The following RBM46 variants were observed in gnomAD, a reference collection of about 807,000 sequenced individuals.
The protein encoded by RBM46 is RNA binding motif protein 46.
Under a neutral mutation model 43.3 loss-of-function variants are expected in RBM46, and 12 were observed. That is an observed-to-expected ratio of 0.28 (90% CI 0.18 to 0.45). The LOEUF is 0.45. RBM46 is among the 20% of genes least tolerant of loss of function. The pLI is 1.00. For missense variants in RBM46, 412 were observed against 639.1 expected, an observed-to-expected ratio of 0.64 and a Z score of 3.83; for synonymous variants, 205 against 207.6, an observed-to-expected ratio of 0.99 and a Z score of 0.11.
chr4:154,790,795 T>C (rs1475135686), intron 1 of RBM46, among the ~76,000 whole-genome samples: 1 of 152,180 alleles, frequency 6.6e-6, no homozygotes, highest in Non-Finnish European at 1.5e-5. Context: ...ATTTCATGGA[T>C]GGGACAAGTG....
intron 4 of RBM46, among the ~76,000 whole-genome samples, chr4:154,812,666 GTTAC>G (rs1207727836): frequency 6.6e-6 from 1 of 152,080 alleles, no homozygotes; most frequent in Non-Finnish European, 1.5e-5. Context: ...CTTTTTCATT[GTTAC>G]TTCCTTAGGA....
chr4:154,788,842 G>A (rs974561807), intron 1 of RBM46, among the ~76,000 whole-genome samples: 2 of 151,994 alleles, frequency 1.3e-5, no homozygotes, highest in African/African-American at 4.8e-5. Flanking sequence ...ATTTGTTTGT[G>A]TCCTCTTTTA....
At chr4:154,784,015 ACC>A in intron 1 of RBM46, among the ~76,000 whole-genome samples, 2 of 152,104 alleles carry the variant, frequency 1.3e-5, no homozygotes, top group Non-Finnish European at 2.9e-5. Flanking sequence ...TGACCTGGCA[ACC>A]ATTGACCTGG....
chr4:154,792,544 C>T (rs1240393789), intron 1 of RBM46, among the ~76,000 whole-genome samples: 1 of 152,138 alleles, frequency 6.6e-6, no homozygotes, highest in Non-Finnish European at 1.5e-5. Flanking sequence ...AAATGAAAGG[C>T]TAGACCCTTT....
At chr4:154,800,719 G>T (rs1416007096) in intron 4 of RBM46, among the ~76,000 whole-genome samples, 1 of 151,356 alleles carries the variant, frequency 6.6e-6, no homozygotes, top group African/African-American at 2.4e-5. Context: ...GGTTTCCTGA[G>T]AATCAAATAA....
intron 4 of RBM46, among the ~76,000 whole-genome samples, chr4:154,809,417 T>C (rs950043890): frequency 6.6e-6 from 1 of 152,090 alleles, no homozygotes; most frequent in Non-Finnish European, 1.5e-5. Flanking sequence ...TTAATTTTAG[T>C]TTTTTTATTC....
chr4:154,789,049 T>C (rs1339828854), intron 1 of RBM46, among the ~76,000 whole-genome samples: 1 of 152,218 alleles, frequency 6.6e-6, no homozygotes, highest in African/African-American at 2.4e-5. Context: ...TTGCTGAAGT[T>C]GCGTATCAGC....
chr4:154,814,049 A>G (rs1006193376), intron 4 of RBM46, among the ~76,000 whole-genome samples: 17 of 152,052 alleles, frequency 1.1e-4, no homozygotes, highest in Non-Finnish European at 2.1e-4. Context: ...CAAGTCATCT[A>G]TCTACAATGT....
At chr4:154,786,328 A>G (rs567427151) in intron 1 of RBM46, among the ~76,000 whole-genome samples, 2 of 152,180 alleles carry the variant, frequency 1.3e-5, no homozygotes, top group African/African-American at 4.8e-5. Flanking sequence ...ACCTCAGGCA[A>G]TCCACCTGCC....
At chr4:154,803,097 C>A (rs1446843536) in intron 4 of RBM46, among the ~76,000 whole-genome samples, 4 of 152,160 alleles carry the variant, frequency 2.6e-5, no homozygotes, top group African/African-American at 9.7e-5. Context: ...TACATGAGTA[C>A]TAGAAGTCAT....
At chr4:154,795,470 A>G (rs1197114902) in intron 1 of RBM46, among the ~76,000 whole-genome samples, 1 of 152,110 alleles carries the variant, frequency 6.6e-6, no homozygotes, top group Non-Finnish European at 1.5e-5. Context: ...ATTTTTATGT[A>G]GTAAAAAAAT....
chr4:154,824,081 AGTT>A (rs1005171047), intron 4 of RBM46, among the ~76,000 whole-genome samples: 11 of 148,618 alleles, frequency 7.4e-5, no homozygotes, highest in Admixed American at 7.1e-4. Context: ...ATGTCAGAGC[AGTT>A]GTTCTCTTTT....
At chr4:154,796,322 G>A (rs1425159433) in intron 1 of RBM46, among the ~76,000 whole-genome samples, 1 of 152,204 alleles carries the variant, frequency 6.6e-6, no homozygotes, top group South Asian at 2.1e-4. Context: ...TTGAATGTAA[G>A]CCACAGGAAA....
intron 4 of RBM46, among the ~76,000 whole-genome samples, chr4:154,821,186 G>C (rs1735705919): frequency 6.6e-6 from 1 of 151,658 alleles, no homozygotes; most frequent in Admixed American, 6.6e-5. Flanking sequence ...TGTTATACTT[G>C]AGACTTAAAA....
At chr4:154,827,419 T>G in intron 4 of RBM46, 1 of 995,124 alleles carries the variant, frequency 1.0e-6, no homozygotes, top group East Asian at 1.1e-4. Flanking sequence ...GTTTTTGCAG[T>G]CCAGGGGTGA....
At chr4:154,818,770 C>G (rs1013584841) in intron 4 of RBM46, among the ~76,000 whole-genome samples, 1 of 152,002 alleles carries the variant, frequency 6.6e-6, no homozygotes, top group Non-Finnish European at 1.5e-5. Context: ...TATTGTCCAT[C>G]CTTTTGTATG....
At chr4:154,808,629 A>T (rs1735029184) in intron 4 of RBM46, among the ~76,000 whole-genome samples, 1 of 151,858 alleles carries the variant, frequency 6.6e-6, no homozygotes, top group Non-Finnish European at 1.5e-5. Context: ...ATCTGTAGTT[A>T]CGAATTTATG....
intron 4 of RBM46, among the ~76,000 whole-genome samples, chr4:154,818,653 GT>G (rs1418545912): frequency 2.6e-5 from 4 of 151,738 alleles, no homozygotes; most frequent in Non-Finnish European, 5.9e-5. Flanking sequence ...GCGTTATTGT[GT>G]TTTCAAATAC....
rs574113508 is a variant in RBM46 at position 154,821,266 on chromosome 4, C to T, written c.1403-6602C>T. On this transcript the variant is annotated intron_variant, in intron 4 of 4. Coordinates refer to ENST00000281722, the MANE Select transcript of RBM46 (RefSeq NM_144979.5). ...GTGATACCAGTCTTAGAGGTCCTTACAACTTTTTATAGTTCAAAATTTGAA... is the reference window on the plus strand; with the variant it reads ...GTGATACCAGTCTTAGAGGTCCTTATAACTTTTTATAGTTCAAAATTTGAA... Among the ~76,000 whole-genome samples the T allele has an allele frequency of 2.8e-4, 42 of 151,902 alleles. 1 individual carries two copies. In the South Asian group the frequency reaches 7.0e-3, roughly 25 times the overall value.
Sources: allele counts gnomAD v4.1 joint callset (sites outside exome capture counted in the v4.1 genomes callset), GRCh38; gene constraint gnomAD v4.1.1; transcripts MANE v1.5; gene names NCBI Gene and HGNC (gene_info 2026-07-23, HGNC 2026-07-21).